MRPL15: variants seen among roughly 807,000 people sequenced by gnomAD.
The protein encoded by MRPL15 is large ribosomal subunit protein uL15m.
Under a neutral mutation model 28.0 loss-of-function variants are expected in MRPL15, and 24 were observed. The ratio of observed to expected loss-of-function variants is 0.86; its 90% CI spans 0.62 to 1.21. The LOEUF (loss-of-function observed/expected upper bound fraction) is 1.21. MRPL15 is among the 50% of genes most tolerant of loss of function. The probability of loss-of-function intolerance (pLI) is 0.00; values close to 1 mark genes in which losing one functional copy is unlikely to be tolerated. For missense variants in MRPL15, 343 were observed against 372.4 expected, an observed-to-expected ratio of 0.92 and a Z score of 0.65; for synonymous variants, 124 against 137.0, an observed-to-expected ratio of 0.90 and a Z score of 0.66.
chr8:54,142,822 CTT>C (rs746188550), intron 4 of MRPL15, 36 bp downstream of exon 4: 2 of 1,609,974 alleles, frequency 1.2e-6, no homozygotes, highest in South Asian at 1.1e-5. Flanking sequence ...TTCTTTCTCT[CTT>C]TGTCTCATGT....
In MRPL15 at chr8:54,146,773, A is replaced by G. The variant is rs190662051; in HGVS notation, c.554-609A>G. ...ATCTAAAGGCCCTGTGGCATCTGTG[A>G]TATCTTGTGCGTAGGCCTTTTTTTC... is the stretch of plus-strand genomic sequence containing the variant. On this transcript the variant is annotated intron_variant, in intron 4 of 4. Coordinates refer to ENST00000260102, the MANE Select transcript of MRPL15 (RefSeq NM_014175.4). 1.5e-3 allele frequency among the ~76,000 whole-genome samples: 230 copies of G among 152,268 alleles called. 1 individual carries two copies. Among genetic ancestry groups the G allele is most frequent in the Non-Finnish European group, 2.7e-3 (185 of 68,022 alleles).
intron 3 of MRPL15, among the ~76,000 whole-genome samples, chr8:54,139,093 G>A (rs1332831716): frequency 7.9e-5 from 12 of 152,106 alleles, no homozygotes; most frequent in African/African-American, 2.2e-4. Context: ...TCCACCTCCC[G>A]GGTTCAAGCG....
intron 3 of MRPL15, among the ~76,000 whole-genome samples, chr8:54,138,359 C>T (rs752215555): frequency 4.1e-4 from 56 of 138,058 alleles, no homozygotes; most frequent in Admixed American, 1.0e-3. Context: ...CTCTGTCTCC[C>T]AGGCTGGAGT....
chr8:54,143,917 A>G (rs1248153080), intron 4 of MRPL15, among the ~76,000 whole-genome samples: 2 of 152,190 alleles, frequency 1.3e-5, no homozygotes. Flanking sequence ...CCACTGTTCC[A>G]GGTCTCTGCT....
intron 1 of MRPL15, 115 bp from the exon 2 acceptor site, chr8:54,136,396 T>C (rs1288335507): frequency 1.8e-6 from 2 of 1,108,696 alleles, no homozygotes; most frequent in East Asian, 2.4e-5. Context: ...GACACAATAG[T>C]GTTAGCTAGC....
rs185602304 is a variant in MRPL15 at position 54,135,336 on chromosome 8, G to A, written c.53G>A (p.Gly18Asp). 5 of 1,500,342 alleles carry A rather than the reference G, an allele frequency of 3.3e-6. No individual in the cohort carries two copies. Among genetic ancestry groups the A allele is most frequent in the Non-Finnish European group, 2.7e-6 (3 of 1,121,108 alleles). The allele number at this position is 1,500,342 out of a possible 1,614,324, so 92.9% of individuals were successfully genotyped here. ...GCCCGGGCCCTGGACCTACTCCGGG[G>A]CCTGCCGCGTGTGAGCCTGGCCAAC... ...GGARALDLLR[G>D]LPRVSLANLK... Residue 18 changes from glycine to aspartate, a missense_variant, in exon 1 of 5, where the codon GGC (glycine) becomes GAC (aspartate). By Grantham distance (94) the Gly-to-Asp change is moderately conservative (BLOSUM62 -1). Transcript: ENST00000260102.
At chr8:54,143,093 T>G (rs1810957925) in intron 4 of MRPL15, among the ~76,000 whole-genome samples, 1 of 152,114 alleles carries the variant, frequency 6.6e-6, no homozygotes, top group Non-Finnish European at 1.5e-5. Flanking sequence ...CTCTCTTTTT[T>G]TTTTTAAGAC....
intron 4 of MRPL15, among the ~76,000 whole-genome samples, chr8:54,145,030 G>A (rs1011195592): frequency 4.6e-5 from 7 of 152,168 alleles, no homozygotes; most frequent in African/African-American, 1.4e-4. Flanking sequence ...CTGCCACACT[G>A]AGCTGGCATC....
chr8:54,139,039 A>G (rs1038817175), intron 3 of MRPL15, among the ~76,000 whole-genome samples: 7 of 151,120 alleles, frequency 4.6e-5, no homozygotes, highest in Non-Finnish European at 7.4e-5. Flanking sequence ...TCACTCTGTC[A>G]CCCAGGCTGG....
chr8:54,143,281 T>C (rs2129240141), intron 4 of MRPL15, among the ~76,000 whole-genome samples: 1 of 152,242 alleles, frequency 6.6e-6, no homozygotes, highest in East Asian at 1.9e-4. Flanking sequence ...GGTTTCAGCA[T>C]GTTGTCAAGG....
chr8:54,138,436 G>A (rs1433255855), intron 3 of MRPL15, among the ~76,000 whole-genome samples: 1 of 147,870 alleles, frequency 6.8e-6, no homozygotes, highest in Admixed American at 6.9e-5. Context: ...TCGTGCCTCA[G>A]CCTCCTGAGT....
intron 4 of MRPL15, among the ~76,000 whole-genome samples, chr8:54,143,513 A>G (rs893040879): frequency 6.6e-6 from 1 of 152,102 alleles, no homozygotes; most frequent in Non-Finnish European, 1.5e-5. Context: ...TGTTTCTTCA[A>G]ACTGTGTCCA....
At chr8:54,143,982 C>G (rs901377573) in intron 4 of MRPL15, among the ~76,000 whole-genome samples, 2 of 152,274 alleles carry the variant, frequency 1.3e-5, no homozygotes, top group Admixed American at 6.5e-5. Context: ...TACACACATG[C>G]ACATGCATGG....
intron 4 of MRPL15, among the ~76,000 whole-genome samples, chr8:54,144,447 CT>C (rs2129240271): frequency 6.6e-6 from 1 of 152,182 alleles, no homozygotes; most frequent in South Asian, 2.1e-4. Context: ...CTACCATTTC[CT>C]TTTTCCCATA....
chr8:54,138,102 G>GC (rs555376242), intron 3 of MRPL15, among the ~76,000 whole-genome samples: 69 of 151,800 alleles, frequency 4.5e-4, no homozygotes, highest in African/African-American at 1.6e-3. Flanking sequence ...CTATAGTCGT[G>GC]CGCCACCACA....
In MRPL15 at chr8:54,136,626, A is replaced by G. The variant is rs746492062; in HGVS notation, c.224A>G (p.Tyr75Cys). The stretch of plus-strand genomic sequence containing the variant: ...TTTGAGGGAGGCCAGACTCCATTTT[A>G]CATCCGAATCCCAAAATACGGGTTT... ...LGFEGGQTPF[Y>C]IRIPKYGFNE... Residue 75 changes from tyrosine (Y) to cysteine (C), a missense_variant, in exon 2 of 5, where the codon TAC (tyrosine) becomes TGC (cysteine). Physicochemically the swap from Tyr to Cys is radical, Grantham distance 194. Transcript: ENST00000260102. 1.9e-6 allele frequency: 3 copies of G among 1,614,212 alleles called. 1 individual carries two copies. The highest frequency in any genetic ancestry group is 2.5e-6 in the Non-Finnish European group (3 of 1,180,012).
rs1249370608 is a variant in MRPL15 at position 54,137,387 on chromosome 8, C to A, written c.383C>A (p.Thr128Asn). The A allele has an allele frequency of 6.2e-7, 1 of 1,614,104 alleles. No homozygotes were observed. Among genetic ancestry groups the A allele is most frequent in the Admixed American group, 1.7e-5 (1 of 60,000 alleles). Residue 128 changes from threonine to asparagine, a missense_variant, in exon 3 of 5, where the codon ACC becomes AAC. Coordinates refer to ENST00000260102, the MANE Select transcript of MRPL15 (RefSeq NM_014175.4). ...CAGCTTGTCAATGGGAGAGGTGTGA[C>A]CATCCAGCCACTTAAAAGGGATTAT... The part of the protein sequence containing the change: ...LTQLVNGRGV[T>N]IQPLKRDYGV...
intron 1 of MRPL15, among the ~76,000 whole-genome samples, 162 bp from the exon 2 acceptor site, chr8:54,136,349 C>A (rs1019575859): frequency 1.3e-5 from 2 of 152,202 alleles, no homozygotes; most frequent in African/African-American, 4.8e-5. Flanking sequence ...AAGATGCTAA[C>A]AGAGTGTGTG....
chr8:54,142,940 A>T, intron 4 of MRPL15, 154 bp downstream of exon 4: 1 of 1,146,198 alleles, frequency 8.7e-7, no homozygotes, highest in Non-Finnish European at 1.2e-6. Flanking sequence ...TAAAGAATAC[A>T]GCCTGTTGCT....
Sources: gnomAD v4.1 joint callset for allele counts (sites outside exome capture counted in the v4.1 genomes callset) on GRCh38, gnomAD v4.1.1 for gene constraint, MANE v1.5 for transcripts, NCBI Gene and HGNC (gene_info 2026-07-23, HGNC 2026-07-21) for gene names.